The following CNBD1 variants were observed in gnomAD, a reference collection of about 807,000 sequenced individuals.
The protein encoded by CNBD1 is cyclic nucleotide binding domain containing 1.
A neutral mutation model predicts 54.4 loss-of-function variants in CNBD1; 71 were observed. The ratio of observed to expected loss-of-function variants is 1.30; its 90% CI spans 1.08 to 1.59. The LOEUF (loss-of-function observed/expected upper bound fraction) is 1.59, where lower values mean the gene tolerates loss of function less well. Among genes scored for constraint, CNBD1 ranks in the 40% most tolerant of loss-of-function variants. CNBD1 has a pLI of 0.00. For missense variants in CNBD1, 659 were observed against 518.0 expected, an observed-to-expected ratio of 1.27 and a Z score of -2.64; for synonymous variants, 182 against 170.7, an observed-to-expected ratio of 1.07 and a Z score of -0.51.
chr8:87,187,704 T>G (rs1046838912), intron 4 of CNBD1, among the ~76,000 whole-genome samples: 1 of 152,176 alleles, frequency 6.6e-6, no homozygotes, highest in African/African-American at 2.4e-5. Flanking sequence ...TGCCTTTTTC[T>G]TGACCCTTAA....
At chr8:87,426,073 C>T (rs890055263) in intron 2 of CNBD1, among the ~76,000 whole-genome samples, 8 of 152,198 alleles carry the variant, frequency 5.3e-5, no homozygotes, top group South Asian at 4.1e-4. Context: ...TGGGAGTGAA[C>T]GGATTCTCCA....
intron 4 of CNBD1, among the ~76,000 whole-genome samples, chr8:86,988,563 A>T (rs1339357294): frequency 6.6e-6 from 1 of 152,114 alleles, no homozygotes; most frequent in Admixed American, 6.6e-5. Context: ...TAATTATTTT[A>T]AAATGTACAA....
At chr8:87,219,198 G>C (rs183068920) in intron 5 of CNBD1, among the ~76,000 whole-genome samples, 2 of 152,056 alleles carry the variant, frequency 1.3e-5, no homozygotes, top group East Asian at 1.9e-4. Context: ...AAATCAAAAA[G>C]CATTTTCATT....
chr8:86,873,117 T>C (rs1808465108), intron 1 of CNBD1, among the ~76,000 whole-genome samples: 1 of 151,460 alleles, frequency 6.6e-6, no homozygotes, highest in African/African-American at 2.4e-5. Flanking sequence ...TTTTTTTTTT[T>C]TGAGATGGAG....
In CNBD1 at chr8:87,092,552, TATATACAC is replaced by T. The variant is rs1235610086; in HGVS notation, c.432-113436_432-113429del. Among the ~76,000 whole-genome samples, 6 of 57,410 alleles carry T rather than the reference TATATACAC, an allele frequency of 1.0e-4. 1 individual carries two copies. Among genetic ancestry groups the T allele is most frequent in the African/African-American group, 4.3e-4 (6 of 13,864 alleles). The allele number at this position is 57,410 out of a possible 152,430, so 37.7% of individuals were successfully genotyped here. On this transcript the variant is annotated intron_variant, in intron 4 of 10. Transcript: ENST00000518476. ...ATGTATGTATGTGTGTGTATATATATATATACACATATGTGTGTGTGTGTATATATATA... is the reference window on the plus strand; with the variant it reads ...ATGTATGTATGTGTGTGTATATATATATATGTGTGTGTGTGTATATATATA...
At chr8:87,348,258 A>G (rs1810213979) in intron 8 of CNBD1, among the ~76,000 whole-genome samples, 1 of 152,168 alleles carries the variant, frequency 6.6e-6, no homozygotes. Context: ...TATAAATGCT[A>G]TCTATATTTA....
chr8:87,257,291 T>C (rs1011185526), intron 6 of CNBD1, among the ~76,000 whole-genome samples: 3 of 144,048 alleles, frequency 2.1e-5, no homozygotes, highest in African/African-American at 8.0e-5. Flanking sequence ...ATCGCTTGAA[T>C]CCAGGAGATG....
chr8:87,329,753 C>T (rs914026077), intron 8 of CNBD1, among the ~76,000 whole-genome samples: 6 of 151,676 alleles, frequency 4.0e-5, no homozygotes, highest in Admixed American at 6.6e-5. Flanking sequence ...ACCTTGTATC[C>T]GCAACCCTTA....
rs921815413 is a variant in CNBD1 at position 86,868,963 on chromosome 8, T to C, written c.88+2380T>C. Among the ~76,000 whole-genome samples the C allele has an allele frequency of 8.1e-5, 12 of 148,650 alleles. No homozygotes were observed. The East Asian group carries it at 2.2e-3, about 27-fold the overall frequency. The stretch of plus-strand genomic sequence containing the variant: ...GGAAGGCGAGAGAGTCAGAATGATA[T>C]GTGAGAAAGACTCGACTGGCCCTTG... On this transcript the variant is annotated intron_variant, in intron 1 of 10. Transcript: ENST00000518476.
chr8:87,308,296 G>A (rs1259374496), intron 8 of CNBD1, among the ~76,000 whole-genome samples: 2 of 152,080 alleles, frequency 1.3e-5, no homozygotes, highest in Non-Finnish European at 2.9e-5. Flanking sequence ...GAGGATGGGT[G>A]TGTCACTTGC....
chr8:87,284,580 T>C (rs1808656115), intron 6 of CNBD1, 98 bp from the exon 7 acceptor site: 1 of 1,064,278 alleles, frequency 9.4e-7, no homozygotes, highest in South Asian at 1.9e-5. Flanking sequence ...ACCCCCTCTT[T>C]CATAGAATGA....
At chr8:87,228,599 C>T (rs1002601089) in intron 5 of CNBD1, among the ~76,000 whole-genome samples, 5 of 151,240 alleles carry the variant, frequency 3.3e-5, no homozygotes, top group Admixed American at 6.6e-5. Flanking sequence ...TCCGCCCGTT[C>T]TCAGATCTCC....
chr8:86,916,196 G>T (rs1809181934), intron 3 of CNBD1, among the ~76,000 whole-genome samples: 1 of 152,144 alleles, frequency 6.6e-6, no homozygotes, highest in Admixed American at 6.6e-5. Flanking sequence ...GGGGCATGAG[G>T]CAGAAGGAGA....
chr8:86,897,464 A>C (rs959661680), intron 2 of CNBD1, among the ~76,000 whole-genome samples: 1 of 152,148 alleles, frequency 6.6e-6, no homozygotes, highest in Non-Finnish European at 1.5e-5. Flanking sequence ...GGGATTGTCT[A>C]GGAGGAACCA....
At chr8:87,083,823 C>T (rs1188810963) in intron 4 of CNBD1, among the ~76,000 whole-genome samples, 1 of 151,944 alleles carries the variant, frequency 6.6e-6, no homozygotes, top group Non-Finnish European at 1.5e-5. Context: ...CTCATGACCT[C>T]GTGATCCGCC....
intron 2 of CNBD1, among the ~76,000 whole-genome samples, chr8:87,424,707 C>G (rs1808013848): frequency 6.6e-6 from 1 of 152,210 alleles, no homozygotes; most frequent in Non-Finnish European, 1.5e-5. Context: ...GTCTGATGGG[C>G]TTCCCTTTGA....
chr8:87,350,391 C>T (rs1467776796), intron 8 of CNBD1, among the ~76,000 whole-genome samples: 1 of 151,824 alleles, frequency 6.6e-6, no homozygotes, highest in Non-Finnish European at 1.5e-5. Context: ...GATAGACTAT[C>T]CTCATAATTA....
At chr8:87,024,397 T>C (rs1253541046) in intron 4 of CNBD1, among the ~76,000 whole-genome samples, 13 of 151,890 alleles carry the variant, frequency 8.6e-5, no homozygotes, top group Admixed American at 8.5e-4. Context: ...TGGAGTGCAG[T>C]GGCATGATCT....
chr8:87,022,206 G>A (rs1021758600), intron 4 of CNBD1, among the ~76,000 whole-genome samples: 9 of 152,186 alleles, frequency 5.9e-5, no homozygotes, highest in Non-Finnish European at 1.3e-4. Context: ...GCAACACAGC[G>A]GAGAAGGGAA....
Sources: gnomAD v4.1 joint callset for allele counts (sites outside exome capture counted in the v4.1 genomes callset) on GRCh38, gnomAD v4.1.1 for gene constraint, MANE v1.5 for transcripts, NCBI Gene and HGNC (gene_info 2026-07-23, HGNC 2026-07-21) for gene names.